Variants in ZFAND3 observed in about 807,000 individuals in gnomAD.
The protein encoded by ZFAND3 is zinc finger AN1-type containing 3.
A neutral mutation model predicts 29.6 loss-of-function variants in ZFAND3; 10 were observed. The ratio of observed to expected loss-of-function variants is 0.34; its 90% confidence interval spans 0.21 to 0.57. The LOEUF (loss-of-function observed/expected upper bound fraction) is 0.57, where lower values mean the gene tolerates loss of function less well. Among genes scored for constraint, ZFAND3 ranks in the 20% least tolerant of loss-of-function variants. The probability of loss-of-function intolerance (pLI) is 0.86; values close to 1 mark genes in which losing one functional copy is unlikely to be tolerated. For missense variants in ZFAND3, 230 were observed against 304.5 expected, an observed-to-expected ratio of 0.76 and a Z score of 1.82; for synonymous variants, 128 against 112.6, an observed-to-expected ratio of 1.14 and a Z score of -0.87.
intron 2 of ZFAND3, among the ~76,000 whole-genome samples, chr6:38,031,504 T>C (rs1224783852): frequency 2.0e-5 from 3 of 152,282 alleles, no homozygotes; most frequent in African/African-American, 7.2e-5. Context: ...ATTATATACT[T>C]GCAAGCCTGT....
intron 1 of ZFAND3, among the ~76,000 whole-genome samples, chr6:37,912,503 G>GAT (rs760774136): frequency 5.3e-5 from 8 of 152,310 alleles, no homozygotes; most frequent in South Asian, 2.1e-4. Flanking sequence ...TACTACACAT[G>GAT]ATAGTACAAA....
intron 2 of ZFAND3, among the ~76,000 whole-genome samples, chr6:37,947,270 C>G (rs1761919975): frequency 6.6e-6 from 1 of 151,930 alleles, no homozygotes; most frequent in African/African-American, 2.4e-5. Flanking sequence ...AAAATATTTC[C>G]AGAAATAAAA....
chr6:38,012,889 A>G (rs901583023), intron 2 of ZFAND3, among the ~76,000 whole-genome samples: 1 of 152,144 alleles, frequency 6.6e-6, no homozygotes, highest in Non-Finnish European at 1.5e-5. Context: ...GTTGTTTTTT[A>G]TACAAAATTC....
chr6:37,949,396 ACTC>A (rs34844290), intron 2 of ZFAND3, among the ~76,000 whole-genome samples: 3,570 of 150,854 alleles, frequency 0.024, 69 homozygotes, highest in Middle Eastern at 0.041. Context: ...TGCAAAGAAA[ACTC>A]CTGTGACCAA....
chr6:37,865,588 A>G (rs1764576161), intron 1 of ZFAND3, among the ~76,000 whole-genome samples: 1 of 152,242 alleles, frequency 6.6e-6, no homozygotes, highest in Non-Finnish European at 1.5e-5. Context: ...GAAAAGTTAG[A>G]AACTACATAT....
chr6:37,990,123 G>C (rs1040091245), intron 2 of ZFAND3, among the ~76,000 whole-genome samples: 70 of 152,176 alleles, frequency 4.6e-4, no homozygotes. Flanking sequence ...TGTTAACTAA[G>C]TAAGTCCCAC....
chr6:37,969,050 A>G (rs1013807933), intron 2 of ZFAND3, among the ~76,000 whole-genome samples: 4 of 152,208 alleles, frequency 2.6e-5, no homozygotes, highest in African/African-American at 4.8e-5. Context: ...GGTATAGGCT[A>G]TTGCTCCTAG....
At chr6:37,871,398 G>C (rs1764692829) in intron 1 of ZFAND3, among the ~76,000 whole-genome samples, 1 of 152,174 alleles carries the variant, frequency 6.6e-6, no homozygotes, top group African/African-American at 2.4e-5. Flanking sequence ...TATAGTAGCT[G>C]CTTTAAAATT....
intron 2 of ZFAND3, among the ~76,000 whole-genome samples, chr6:37,972,618 A>T (rs1762408799): frequency 6.6e-6 from 1 of 152,080 alleles, no homozygotes; most frequent in Non-Finnish European, 1.5e-5. Context: ...TTTGAATGAG[A>T]TTATTAGCAG....
intron 2 of ZFAND3, among the ~76,000 whole-genome samples, chr6:38,009,039 G>C (rs73421477): frequency 0.068 from 10,363 of 152,208 alleles, 431 homozygotes; most frequent in Non-Finnish European, 0.087. Context: ...TGGTTGCCTT[G>C]CAGACCTGTG....
intron 1 of ZFAND3, chr6:37,832,968 A>T (rs1171604620): frequency 6.6e-6 from 1 of 152,120 alleles, no homozygotes; most frequent in African/African-American, 2.4e-5. Flanking sequence ...GACGGGCGTG[A>T]TCCCACTACT....
chr6:38,137,477 G>T (rs1177453829), intron 5 of ZFAND3, among the ~76,000 whole-genome samples: 1 of 152,194 alleles, frequency 6.6e-6, no homozygotes, highest in Non-Finnish European at 1.5e-5. Flanking sequence ...GTCAAATGCT[G>T]ACTCTATTTA....
chr6:38,144,200 TATATATATATAATATATAATA>T (rs1766037336), intron 5 of ZFAND3, among the ~76,000 whole-genome samples: 8 of 41,216 alleles, frequency 1.9e-4, no homozygotes, highest in South Asian at 4.9e-4. Flanking sequence ...TATATATATA[TATATATATATAATATATAATA>T]TATATATATA....
intron 1 of ZFAND3, among the ~76,000 whole-genome samples, chr6:37,829,333 C>T (rs1296873527): frequency 1.3e-5 from 2 of 151,666 alleles, no homozygotes; most frequent in Non-Finnish European, 2.9e-5. Flanking sequence ...GTCAGGAGTT[C>T]GAGACCAGCC....
In ZFAND3 at chr6:38,001,543, T is replaced by C. The variant is rs117564841; in HGVS notation, c.113-60050T>C. On this transcript the variant is annotated intron_variant, in intron 2 of 5. Transcript: ENST00000287218. The stretch of plus-strand genomic sequence containing the variant: ...ACTCTATTACAGTCTTATCTTTTAG[T>C]GGGCTTTTGGCCAAAGGTTCAGAGC... Among the ~76,000 whole-genome samples, 327 of 152,362 alleles carry C rather than the reference T, an allele frequency of 2.1e-3. 11 individuals are homozygous for C. The East Asian group carries it at 0.053, about 25-fold the overall frequency.
intron 1 of ZFAND3, among the ~76,000 whole-genome samples, chr6:37,907,488 A>T (rs757889259): frequency 4.6e-5 from 7 of 152,182 alleles, no homozygotes; most frequent in Non-Finnish European, 8.8e-5. Flanking sequence ...CATAATGTAT[A>T]GTCTTTTGTG....
intron 2 of ZFAND3, among the ~76,000 whole-genome samples, chr6:38,037,513 G>C (rs148411636): frequency 1.3e-5 from 2 of 152,146 alleles, no homozygotes; most frequent in Non-Finnish European, 2.9e-5. Flanking sequence ...TCCATGACTC[G>C]GATTGCGTGT....
At chr6:38,117,906 G>A (rs1343128336) in intron 5 of ZFAND3, among the ~76,000 whole-genome samples, 1 of 152,216 alleles carries the variant, frequency 6.6e-6, no homozygotes, top group South Asian at 2.1e-4. Flanking sequence ...TAGAAACTAC[G>A]TTGGAACTCC....
chr6:37,896,564 T>TTCTTTCTTTCTC (rs1561925969), intron 1 of ZFAND3, among the ~76,000 whole-genome samples: 19 of 146,528 alleles, frequency 1.3e-4, no homozygotes, highest in Admixed American at 5.4e-4. Context: ...CTTTCTTTCT[T>TTCTTTCTTTCTC]TCTTTCTCTC....
Sources: allele counts gnomAD v4.1 joint callset (sites outside exome capture counted in the v4.1 genomes callset), GRCh38; gene constraint gnomAD v4.1.1; transcripts MANE v1.5; gene names NCBI Gene and HGNC (gene_info 2026-07-23, HGNC 2026-07-21).